The following SPATS2 variants were observed in gnomAD, a reference collection of about 807,000 sequenced individuals.
SPATS2 encodes the protein spermatogenesis associated serine rich 2.
In SPATS2, 38 loss-of-function variants were observed where a neutral mutation model predicts 63.7. The observed-to-expected ratio is 0.60, with a 90% CI of 0.46 to 0.78. The LOEUF (loss-of-function observed/expected upper bound fraction) is 0.78, where lower values mean the gene tolerates loss of function less well. SPATS2 is among the 30% of genes least tolerant of loss of function. The pLI is 0.00. For synonymous variants in SPATS2, 207 were observed against 232.9 expected (o/e 0.89, Z 1.01); for missense variants, 588 against 666.2 (o/e 0.88, Z 1.29).
rs1565707922 is a variant in SPATS2, at chr12:49,409,591, A to ATTTTTTTTTTT, written c.-244+38301_-244+38302insTTTTTTTTTTT. Among the ~76,000 whole-genome samples the ATTTTTTTTTTT allele has an allele frequency of 2.4e-5, 3 of 123,316 alleles. 1 individual carries two copies. The highest frequency in any genetic ancestry group is 5.0e-5 in the Non-Finnish European group (3 of 60,602). 80.9% of individuals were successfully genotyped at this position (123,316 alleles called of 152,430 possible). A position where few individuals can be genotyped will look rare whatever the true frequency, so the allele number is the denominator to read the frequency against. ...ACAGGCGTGAGCCACTGTGCCCAGC[A>ATTTTTTTTTTT]ATTTTTTTTTTTTTTTTTTTTTTTT... On this transcript the variant is annotated intron_variant, in intron 2 of 13. Transcript: ENST00000552918.
At chr12:49,443,150 T>C (rs1290615669) in intron 2 of SPATS2, among the ~76,000 whole-genome samples, 2 of 152,262 alleles carry the variant, frequency 1.3e-5, no homozygotes, top group Non-Finnish European at 2.9e-5. Flanking sequence ...ATTTGTCTGC[T>C]GATAGACATT....
chr12:49,466,938 A>C (rs528911090), intron 3 of SPATS2, among the ~76,000 whole-genome samples: 41 of 151,614 alleles, frequency 2.7e-4, no homozygotes, highest in African/African-American at 9.7e-4. Flanking sequence ...TTACTACTAT[A>C]TCTCTGCATT....
chr12:49,500,451 A>G (rs1448111889), intron 9 of SPATS2, among the ~76,000 whole-genome samples: 3 of 152,202 alleles, frequency 2.0e-5, no homozygotes, highest in East Asian at 3.8e-4. Flanking sequence ...AAAGGGACAC[A>G]TAATTATAGA....
intron 10 of SPATS2, 128 bp downstream of exon 10, chr12:49,514,741 C>T: frequency 1.3e-6 from 1 of 762,008 alleles, no homozygotes; most frequent in African/African-American, 1.8e-5. Context: ...TAATCTTAAG[C>T]AGTTGCACTG....
intron 2 of SPATS2, among the ~76,000 whole-genome samples, chr12:49,396,370 A>G (rs1338446232): frequency 6.6e-6 from 1 of 152,042 alleles, no homozygotes; most frequent in Non-Finnish European, 1.5e-5. Context: ...TCGTGTTCTT[A>G]TTCTTGGGGT....
rs1156829142 is a variant in SPATS2 at position 49,484,489 on chromosome 12, T to C, written c.26-101T>C. 8.2e-6 allele frequency: 9 copies of C among 1,098,676 alleles called. No individual in the cohort carries two copies. In the African/African-American group the frequency reaches 9.5e-5, roughly 12 times the overall value. 68.1% of individuals were successfully genotyped at this position (1,098,676 alleles called of 1,614,324 possible). On this transcript the variant is annotated intron_variant, in intron 3 of 13. Transcript: ENST00000552918. ...TGCCAAATAGCAACTAAGTTGCTGT[T>C]AATTGTTTTATGGGACGAAAGCAGC...
At chr12:49,477,985 T>A (rs868194915) in intron 3 of SPATS2, among the ~76,000 whole-genome samples, 94 of 141,712 alleles carry the variant, frequency 6.6e-4, no homozygotes, top group African/African-American at 1.2e-3. Context: ...TTTTTTTTTT[T>A]AATTTTTGAG....
Position 49,494,793 on chromosome 12 carries a change from T to A in SPATS2, c.317T>A (p.Ile106Asn). The A allele has an allele frequency of 6.2e-7, 1 of 1,612,418 alleles. No individual in the cohort carries two copies. The highest frequency in any genetic ancestry group is 8.5e-7 in the Non-Finnish European group (1 of 1,179,260). ...CCTGCCGCAGAACCAAGTAACGGCA[T>A]CCCAGATTCCAGTAAATCAGTTTCC... ...PKPAAEPSNG[I>N]PDSSKSVSIQ... The change falls in exon 7 of 14, where the codon ATC becomes AAC. Residue 106 changes from isoleucine to asparagine, a missense_variant. By Grantham distance (149) the Ile-to-Asn change is moderately radical. Coordinates refer to ENST00000552918, the MANE Select transcript of SPATS2 (RefSeq NM_023071.4).
At chr12:49,440,378 T>C (rs1204038080) in intron 2 of SPATS2, among the ~76,000 whole-genome samples, 1 of 152,192 alleles carries the variant, frequency 6.6e-6, no homozygotes, top group Non-Finnish European at 1.5e-5. Flanking sequence ...GCTCTTAAGA[T>C]CTAATCCAGG....
chr12:49,380,432 A>G (rs1944195343), intron 2 of SPATS2, among the ~76,000 whole-genome samples: 1 of 152,106 alleles, frequency 6.6e-6, no homozygotes, highest in Non-Finnish European at 1.5e-5. Flanking sequence ...TTGGCCATGC[A>G]CGGTGACTCA....
intron 2 of SPATS2, among the ~76,000 whole-genome samples, chr12:49,391,249 C>T (rs1340382992): frequency 6.6e-6 from 1 of 152,192 alleles, no homozygotes; most frequent in African/African-American, 2.4e-5. Context: ...CGCGGTGGCT[C>T]ACGCCTGTAA....
At chr12:49,428,698 G>T (rs926585883) in intron 2 of SPATS2, among the ~76,000 whole-genome samples, 4 of 152,048 alleles carry the variant, frequency 2.6e-5, no homozygotes, top group Admixed American at 6.6e-5. Flanking sequence ...AATAACAGTT[G>T]ATCAGTTAAT....
intron 2 of SPATS2, among the ~76,000 whole-genome samples, chr12:49,416,420 A>G (rs1424583055): frequency 6.6e-6 from 1 of 152,008 alleles, no homozygotes; most frequent in Non-Finnish European, 1.5e-5. Flanking sequence ...TTATATGGTG[A>G]CTTGGACTTT....
At chr12:49,501,151 G>A (rs1259603863) in intron 9 of SPATS2, among the ~76,000 whole-genome samples, 1 of 152,072 alleles carries the variant, frequency 6.6e-6, no homozygotes, top group Non-Finnish European at 1.5e-5. Flanking sequence ...GTAGAAATGT[G>A]GTCTCACTAT....
At chr12:49,395,186 A>G (rs1238073985) in intron 2 of SPATS2, among the ~76,000 whole-genome samples, 2 of 151,708 alleles carry the variant, frequency 1.3e-5, no homozygotes, top group African/African-American at 4.8e-5. Context: ...ATTTATAGAG[A>G]TGGAGTCTTG....
intron 2 of SPATS2, among the ~76,000 whole-genome samples, chr12:49,384,081 A>G (rs1426813668): frequency 6.6e-6 from 1 of 152,192 alleles, no homozygotes; most frequent in East Asian, 1.9e-4. Context: ...AGAAATTAAC[A>G]CTGGTACACT....
At chr12:49,373,741 A>G (rs1944042837) in intron 2 of SPATS2, among the ~76,000 whole-genome samples, 1 of 152,170 alleles carries the variant, frequency 6.6e-6, no homozygotes, top group Non-Finnish European at 1.5e-5. Context: ...CCTGGTCAAT[A>G]TGGTGAAACC....
At position 49,526,986 on chromosome 12, in the gene SPATS2, T is replaced by G. The variant is rs1270373192; in HGVS notation, c.*731T>G. ...GCTCATGCCTGTAATCCCAGCACTT[T>G]GGGAGGCTGAGGCGGGTGGATCACT... On this transcript the variant is annotated 3_prime_UTR_variant, in exon 14 of 14. Coordinates refer to ENST00000552918, the MANE Select transcript of SPATS2 (RefSeq NM_023071.4). 1 of 151,746 alleles carries G rather than the reference T, an allele frequency of 6.6e-6. No homozygotes were observed. The highest frequency in any genetic ancestry group is 1.5e-5 in the Non-Finnish European group (1 of 67,984). The allele number at this position is 151,746 out of a possible 1,614,324, so 9.4% of individuals were successfully genotyped here. A position where few individuals can be genotyped will look rare whatever the true frequency, so the allele number is the denominator to read the frequency against.
chr12:49,375,139 GGAGTGT>G (rs1475828414), intron 2 of SPATS2, among the ~76,000 whole-genome samples: 6 of 105,038 alleles, frequency 5.7e-5, no homozygotes, highest in Admixed American at 3.6e-4. Context: ...TGCAAGTTGT[GGAGTGT>G]GTGTGTGTGT....
Sources: gnomAD v4.1 joint callset for allele counts (sites outside exome capture counted in the v4.1 genomes callset) on GRCh38, gnomAD v4.1.1 for gene constraint, MANE v1.5 for transcripts, NCBI Gene and HGNC (gene_info 2026-07-23, HGNC 2026-07-21) for gene names.